RNF121: variants seen among roughly 807,000 people sequenced by gnomAD.
RNF121 encodes E3 ubiquitin ligase RNF121.
Under a neutral mutation model 46.5 loss-of-function variants are expected in RNF121, and 21 were observed. That is an observed-to-expected ratio of 0.45 (90% CI 0.32 to 0.65). The LOEUF (loss-of-function observed/expected upper bound fraction) is 0.65, where lower values mean the gene tolerates loss of function less well. Among genes scored for constraint, RNF121 ranks in the 30% least tolerant of loss-of-function variants. RNF121 has a pLI of 0.04. For missense variants in RNF121, 346 were observed against 416.0 expected (o/e 0.83, Z 1.46); for synonymous variants, 139 against 144.7 (o/e 0.96, Z 0.28).
chr11:71,974,217 A>G (rs1954482378), intron 3 of RNF121, among the ~76,000 whole-genome samples: 1 of 152,218 alleles, frequency 6.6e-6, no homozygotes, highest in Non-Finnish European at 1.5e-5. Flanking sequence ...CTGGGATTAC[A>G]GGCGTGAGCC....
At chr11:71,945,567 T>C (rs1953693962) in intron 1 of RNF121, among the ~76,000 whole-genome samples, 1 of 152,212 alleles carries the variant, frequency 6.6e-6, no homozygotes, top group African/African-American at 2.4e-5. Flanking sequence ...TTTATCCTTG[T>C]TTCCAAAGCA....
intron 1 of RNF121, among the ~76,000 whole-genome samples, chr11:71,952,285 CAG>C (rs1953898752): frequency 6.6e-6 from 1 of 152,076 alleles, no homozygotes; most frequent in Non-Finnish European, 1.5e-5. Flanking sequence ...TAGATAGAGA[CAG>C]AATGTAAATT....
At chr11:71,969,963 A>T (rs1488204236) in intron 3 of RNF121, among the ~76,000 whole-genome samples, 1 of 152,224 alleles carries the variant, frequency 6.6e-6, no homozygotes, top group Admixed American at 6.5e-5. Flanking sequence ...AGAGACGAGC[A>T]CATAGCTAGA....
intron 3 of RNF121, among the ~76,000 whole-genome samples, chr11:71,966,722 T>C (rs1489516238): frequency 6.6e-6 from 1 of 152,026 alleles, no homozygotes; most frequent in African/African-American, 2.4e-5. Context: ...TTCCTGGCCT[T>C]AAGTGATCCT....
chr11:71,942,211 G>A lies in RNF121; in HGVS notation c.63+13087G>A, dbSNP rs976909677. Among the ~76,000 whole-genome samples the A allele has an allele frequency of 3.3e-5, 5 of 152,078 alleles. No individual in the cohort carries two copies. The East Asian group carries it at 7.8e-4, about 24-fold the overall frequency. On this transcript the variant is annotated intron_variant, in intron 1 of 8. Transcript: ENST00000361756. The stretch of plus-strand genomic sequence containing the variant: ...ACCTCCCAAAGTGCTGGGATTACAG[G>A]CATGAACCACCGTGCCCGGCAATGA...
chr11:71,937,523 T>C (rs1382345102), intron 1 of RNF121, among the ~76,000 whole-genome samples: 1 of 152,164 alleles, frequency 6.6e-6, no homozygotes, highest in Non-Finnish European at 1.5e-5. Flanking sequence ...CATCTGCCCA[T>C]GTTGAACATC....
intron 3 of RNF121, among the ~76,000 whole-genome samples, chr11:71,972,175 G>A (rs1331229518): frequency 6.6e-6 from 1 of 152,056 alleles, no homozygotes; most frequent in Non-Finnish European, 1.5e-5. Context: ...AGCAGAGAAA[G>A]CAATAAACAG....
At position 71,949,433 on chromosome 11, in the gene RNF121, G is replaced by A. The variant is rs759464354; in HGVS notation, c.64-7794G>A. Among the ~76,000 whole-genome samples the A allele has an allele frequency of 4.0e-4, 61 of 152,092 alleles. 2 individuals are homozygous for A. The highest frequency in any genetic ancestry group is 8.2e-4 in the Non-Finnish European group (56 of 67,938). On this transcript the variant is annotated intron_variant, in intron 1 of 8. Transcript: ENST00000361756. ...ACCCTGTCTCAAAAAAACAAAAACAGGCCAGGCATGGTGGCTAATGCCCGT... is the reference window on the plus strand; with the variant it reads ...ACCCTGTCTCAAAAAAACAAAAACAAGCCAGGCATGGTGGCTAATGCCCGT...
chr11:71,967,721 GTAATAATTA>G (rs1351477000), intron 3 of RNF121, among the ~76,000 whole-genome samples: 1 of 151,962 alleles, frequency 6.6e-6, no homozygotes, highest in Non-Finnish European at 1.5e-5. Flanking sequence ...GTGCCTGGCG[GTAATAATTA>G]TCTTTTACTG....
At chr11:71,970,567 C>CG (rs1291250293) in intron 3 of RNF121, among the ~76,000 whole-genome samples, 1 of 151,756 alleles carries the variant, frequency 6.6e-6, no homozygotes, top group African/African-American at 2.4e-5. Flanking sequence ...GAGGCTGAGG[C>CG]GGGAAGATTG....
intron 1 of RNF121, among the ~76,000 whole-genome samples, chr11:71,956,095 G>T (rs4944242): frequency 0.89 from 135,183 of 152,230 alleles, 60,278 homozygotes; most frequent in Non-Finnish European, 0.94. Context: ...GTAGAATGAA[G>T]TTCTACCTGT....
chr11:71,954,965 A>G (rs891494671), intron 1 of RNF121, among the ~76,000 whole-genome samples: 1 of 152,198 alleles, frequency 6.6e-6, no homozygotes, highest in African/African-American at 2.4e-5. Context: ...TGCTTAATAT[A>G]TGCTCAGCTC....
chr11:71,970,401 C>T (rs1428204099), intron 3 of RNF121, among the ~76,000 whole-genome samples: 6 of 152,166 alleles, frequency 3.9e-5, no homozygotes, highest in African/African-American at 1.2e-4. Flanking sequence ...TGGCTTACAC[C>T]TCTAATCCCA....
chr11:71,996,412 A>C lies in RNF121; in HGVS notation c.*97A>C. On this transcript the variant is annotated 3_prime_UTR_variant, in exon 9 of 9. Coordinates refer to ENST00000361756, the MANE Select transcript of RNF121 (RefSeq NM_018320.5). ...AAGACCTCCTGGGTGGGAAAGACTC[A>C]AAGGGGTGCTTGGGCCACTCAGGAC... is the stretch of plus-strand genomic sequence containing the variant. The C allele has an allele frequency of 1.0e-4, 155 of 1,484,932 alleles. No individual in the cohort carries two copies. The highest frequency in any genetic ancestry group is 1.3e-4 in the Non-Finnish European group (140 of 1,098,136). 92.0% of individuals were successfully genotyped at this position (1,484,932 alleles called of 1,614,324 possible).
At chr11:71,944,193 C>T (rs1361058417) in intron 1 of RNF121, among the ~76,000 whole-genome samples, 1 of 151,940 alleles carries the variant, frequency 6.6e-6, no homozygotes, top group African/African-American at 2.4e-5. Flanking sequence ...ATTAGCCAGG[C>T]GTGGTGGCAT....
chr11:71,943,441 G>A (rs1194838331), intron 1 of RNF121, among the ~76,000 whole-genome samples: 1 of 152,180 alleles, frequency 6.6e-6, no homozygotes, highest in Non-Finnish European at 1.5e-5. Flanking sequence ...TGTTATCTGT[G>A]ACAAGTCAAT....
At chr11:71,980,218 G>A (rs769208453) in intron 3 of RNF121, among the ~76,000 whole-genome samples, 13 of 152,188 alleles carry the variant, frequency 8.5e-5, no homozygotes, top group Admixed American at 2.6e-4. Context: ...GAGGCTTCAA[G>A]GCTCATGGAC....
intron 3 of RNF121, among the ~76,000 whole-genome samples, chr11:71,973,158 C>T (rs964183066): frequency 6.6e-6 from 1 of 151,512 alleles, no homozygotes; most frequent in African/African-American, 2.4e-5. Context: ...TGCACTCCAG[C>T]CTAGGCAACA....
At chr11:71,946,899 G>A (rs1281289528) in intron 1 of RNF121, among the ~76,000 whole-genome samples, 5 of 109,244 alleles carry the variant, frequency 4.6e-5, no homozygotes, top group Non-Finnish European at 7.0e-5. Context: ...AGACAGTATC[G>A]CTCTGTCACC....
Sources: gnomAD v4.1 joint callset for allele counts (sites outside exome capture counted in the v4.1 genomes callset) on GRCh38, gnomAD v4.1.1 for gene constraint, MANE v1.5 for transcripts, NCBI Gene and HGNC (gene_info 2026-07-23, HGNC 2026-07-21) for gene names.